The following MEGF11 variants were observed in gnomAD, a reference collection of about 807,000 sequenced individuals.
MEGF11 encodes the protein multiple EGF like domains 11.
A neutral mutation model predicts 146.6 loss-of-function variants in MEGF11; 126 were observed. That is an observed-to-expected ratio of 0.86 (90% confidence interval 0.74 to 1.00). The LOEUF is 1.00. Among genes scored for constraint, MEGF11 ranks in the 50% least tolerant of loss-of-function variants. The pLI, the probability that MEGF11 is intolerant of heterozygous loss-of-function variation, is 0.00. For synonymous variants in MEGF11, 532 were observed against 583.4 expected (o/e 0.91, Z 1.27); for missense variants, 1,509 against 1,521.2 (o/e 0.99, Z 0.13).
At chr15:65,922,569 C>G in intron 14 of MEGF11, 97 bp from the exon 15 acceptor site, 1 of 1,434,884 alleles carries the variant, frequency 7.0e-7, no homozygotes, top group African/African-American at 1.4e-5. Flanking sequence ...ATGGGGAGAC[C>G]TGCATCCTTC....
At chr15:66,192,028 A>C (rs1309816625) in intron 1 of MEGF11, among the ~76,000 whole-genome samples, 2 of 152,212 alleles carry the variant, frequency 1.3e-5, no homozygotes, top group Non-Finnish European at 2.9e-5. Context: ...CAGTGAGCCG[A>C]GATCACGCCA....
intron 1 of MEGF11, among the ~76,000 whole-genome samples, chr15:66,147,818 G>A (rs533372142): frequency 6.6e-6 from 1 of 152,352 alleles, no homozygotes; most frequent in South Asian, 2.1e-4. Context: ...AAGGTTTTAA[G>A]CAAGGGACCA....
chr15:66,078,418 G>T (rs924472545), intron 5 of MEGF11, among the ~76,000 whole-genome samples: 1 of 152,194 alleles, frequency 6.6e-6, no homozygotes, highest in Non-Finnish European at 1.5e-5. Flanking sequence ...CCCGGGCCTC[G>T]GCTCTCTAAC....
At chr15:66,246,204 C>T (rs959277866) in intron 1 of MEGF11, among the ~76,000 whole-genome samples, 2 of 152,170 alleles carry the variant, frequency 1.3e-5, no homozygotes, top group African/African-American at 4.8e-5. Context: ...TTGCAATGAG[C>T]AGAGATCACG....
chr15:66,006,951 T>G (rs1173230242), intron 5 of MEGF11, among the ~76,000 whole-genome samples: 1 of 152,186 alleles, frequency 6.6e-6, no homozygotes, highest in Non-Finnish European at 1.5e-5. Context: ...ACAAGCCCCC[T>G]CCCTCTCCCT....
chr15:66,141,278 G>A (rs1332322023), intron 1 of MEGF11, among the ~76,000 whole-genome samples: 1 of 134,176 alleles, frequency 7.5e-6, no homozygotes, highest in Non-Finnish European at 1.6e-5. Flanking sequence ...GTGTGTGTGT[G>A]TGTGTGTGTG....
chr15:66,119,156 G>T lies in MEGF11; in HGVS notation c.231C>A (p.Gly77=). 1 of 1,551,508 alleles carries T rather than the reference G, an allele frequency of 6.4e-7. No homozygotes were observed. Among genetic ancestry groups the T allele is most frequent in the Non-Finnish European group, 8.7e-7 (1 of 1,147,016 alleles). The change falls in exon 4 of 26, where the codon GGC becomes GGA. Residue 77 remains glycine, a synonymous_variant. Transcript: ENST00000395614. ...RISYKTAYRR[G]LRTMYRRRSQ... The stretch of plus-strand genomic sequence containing the variant: ...ACCTCCGCCGGTACATGGTCCGGAG[G>T]CCTCTCCGATACGCCGTCTTATAAC...
In MEGF11 at chr15:66,239,836, C is replaced by T. The variant is rs1003438526; in HGVS notation, c.-9+13769G>A. On this transcript the variant is annotated intron_variant, in intron 1 of 25. Coordinates refer to ENST00000395614, the MANE Select transcript of MEGF11 (RefSeq NM_001385028.1). ...CCCAACAGGGTCAGGTGATATGACC[C>T]GGAGGTGCAAGGGAGTTAATGCTCC... Among the ~76,000 whole-genome samples the T allele has an allele frequency of 4.6e-5, 7 of 152,182 alleles. No individual in the cohort carries two copies. The South Asian group carries it at 1.0e-3, about 23-fold the overall frequency.
intron 5 of MEGF11, among the ~76,000 whole-genome samples, chr15:66,076,323 C>T (rs2085579938): frequency 7.0e-6 from 1 of 142,404 alleles, no homozygotes; most frequent in South Asian, 2.4e-4. Context: ...CTTGATAACT[C>T]TGTCATGTTA....
intron 5 of MEGF11, among the ~76,000 whole-genome samples, chr15:65,999,603 T>G (rs919753446): frequency 1.3e-5 from 2 of 152,164 alleles, no homozygotes; most frequent in Admixed American, 6.5e-5. Flanking sequence ...GAGGAAGCAT[T>G]CACTCCTCGG....
chr15:65,924,899 G>A (rs1596848736), intron 13 of MEGF11, among the ~76,000 whole-genome samples: 1 of 152,176 alleles, frequency 6.6e-6, no homozygotes, highest in East Asian at 1.9e-4. Flanking sequence ...AAAGTGCTGG[G>A]ATTACAGTCG....
intron 4 of MEGF11, among the ~76,000 whole-genome samples, chr15:66,098,599 A>T (rs529964076): frequency 1.3e-4 from 20 of 151,616 alleles, no homozygotes; most frequent in African/African-American, 4.9e-4. Flanking sequence ...ATCCTCCAGC[A>T]TATCATCTCC....
chr15:66,072,627 T>G (rs529995293), intron 5 of MEGF11, among the ~76,000 whole-genome samples: 1 of 152,230 alleles, frequency 6.6e-6, no homozygotes, highest in Non-Finnish European at 1.5e-5. Context: ...AATGAATGAA[T>G]GTAATCAGTG....
At chr15:65,904,527 AC>A (rs2078572740) in intron 24 of MEGF11, among the ~76,000 whole-genome samples, 1 of 152,178 alleles carries the variant, frequency 6.6e-6, no homozygotes, top group Non-Finnish European at 1.5e-5. Context: ...TGCAGTACTT[AC>A]CACCATCCCC....
chr15:65,944,040 G>A (rs1268292279), intron 10 of MEGF11, among the ~76,000 whole-genome samples: 2 of 152,098 alleles, frequency 1.3e-5, no homozygotes, highest in Admixed American at 1.3e-4. Flanking sequence ...AGTAAAATGC[G>A]GTGCATTCAC....
chr15:66,026,363 C>T (rs541337494), intron 5 of MEGF11, among the ~76,000 whole-genome samples: 29 of 152,338 alleles, frequency 1.9e-4, no homozygotes, highest in African/African-American at 5.5e-4. Flanking sequence ...GAAGGGACCA[C>T]GGCTTTATCA....
intron 7 of MEGF11, 135 bp downstream of exon 7, chr15:65,980,643 C>A (rs934997345): frequency 8.1e-7 from 1 of 1,234,522 alleles, no homozygotes; most frequent in Non-Finnish European, 1.1e-6. Context: ...AAGTGATCTG[C>A]GGGCCTCGGC....
chr15:66,248,662 C>A (rs1308820958), intron 1 of MEGF11, among the ~76,000 whole-genome samples: 1 of 152,214 alleles, frequency 6.6e-6, no homozygotes, highest in Non-Finnish European at 1.5e-5. Flanking sequence ...CCAGGTCCTT[C>A]TCCATAGTCT....
chr15:66,056,052 T>G (rs370736326), intron 5 of MEGF11, among the ~76,000 whole-genome samples: 1 of 152,128 alleles, frequency 6.6e-6, no homozygotes, highest in African/African-American at 2.4e-5. Flanking sequence ...TATGTGAGCG[T>G]GTTAGAAATG....
Sources: allele counts gnomAD v4.1 joint callset (sites outside exome capture counted in the v4.1 genomes callset), GRCh38; gene constraint gnomAD v4.1.1; transcripts MANE v1.5; gene names NCBI Gene and HGNC (gene_info 2026-07-23, HGNC 2026-07-21).